EPB41L4A: variants seen among roughly 807,000 people sequenced by gnomAD.
The protein encoded by EPB41L4A is erythrocyte membrane protein band 4.1 like 4A.
Under a neutral mutation model 108.6 loss-of-function variants are expected in EPB41L4A, and 100 were observed. That is an observed-to-expected ratio of 0.92 (90% CI 0.78 to 1.09). The LOEUF (loss-of-function observed/expected upper bound fraction) is 1.09, where lower values mean the gene tolerates loss of function less well. EPB41L4A is among the 50% of genes least tolerant of loss of function. The pLI is 0.00. For missense variants in EPB41L4A, 1,030 were observed against 842.7 expected, an observed-to-expected ratio of 1.22 and a Z score of -2.75; for synonymous variants, 319 against 289.0, an observed-to-expected ratio of 1.10 and a Z score of -1.05.
At position 112,302,188 on chromosome 5, in the gene EPB41L4A, T is replaced by C. The variant is rs76940191; in HGVS notation, c.204+5198A>G. Among the ~76,000 whole-genome samples the C allele has an allele frequency of 7.7e-3, 1,166 of 152,166 alleles. 18 individuals are homozygous for C. Among genetic ancestry groups the C allele is most frequent in the African/African-American group, 0.027 (1,105 of 41,526 alleles). ...AAAATTTCAATTCTCAACCTAAAAT[T>C]ACACACGAGTACATGGTTTTTTAAA... On this transcript the variant is annotated intron_variant, in intron 2 of 22. Coordinates refer to ENST00000261486, the MANE Select transcript of EPB41L4A (RefSeq NM_022140.5).
intron 1 of EPB41L4A, among the ~76,000 whole-genome samples, chr5:112,398,544 A>T (rs1481807311): frequency 6.6e-6 from 1 of 151,986 alleles, no homozygotes; most frequent in African/African-American, 2.4e-5. Context: ...ATGCACCACC[A>T]CACCCGCTAA....
At chr5:112,146,835 A>G (rs1759278217) in intron 12 of EPB41L4A, among the ~76,000 whole-genome samples, 1 of 152,212 alleles carries the variant, frequency 6.6e-6, no homozygotes, top group Non-Finnish European at 1.5e-5. Context: ...TTACCACTCA[A>G]AGATGTTTCA....
chr5:112,146,895 T>C (rs1203882914), intron 12 of EPB41L4A, among the ~76,000 whole-genome samples: 1 of 152,248 alleles, frequency 6.6e-6, no homozygotes, highest in Non-Finnish European at 1.5e-5. Context: ...AGGTCTTTTC[T>C]ATTAATTAGA....
chr5:112,362,833 T>C (rs1039915325), intron 1 of EPB41L4A, among the ~76,000 whole-genome samples: 5 of 152,218 alleles, frequency 3.3e-5, no homozygotes, highest in African/African-American at 7.2e-5. Context: ...AGTCTGACGA[T>C]TCATCTCAAA....
intron 17 of EPB41L4A, among the ~76,000 whole-genome samples, chr5:112,189,900 C>G (rs1761609287): frequency 6.6e-6 from 1 of 152,158 alleles, no homozygotes; most frequent in Non-Finnish European, 1.5e-5. Flanking sequence ...AAGCTTAAGA[C>G]ATATCCAGGT....
intron 17 of EPB41L4A, 29 bp downstream of exon 17, chr5:112,194,539 G>T (rs754516925): frequency 5.3e-6 from 7 of 1,317,734 alleles, no homozygotes; most frequent in Non-Finnish European, 7.5e-6. Flanking sequence ...ATTTCAGAGT[G>T]CCAGTTAATT....
intron 2 of EPB41L4A, among the ~76,000 whole-genome samples, chr5:112,293,392 G>A (rs1305687563): frequency 8.4e-6 from 1 of 119,282 alleles, no homozygotes. Context: ...TTTAGTTTTG[G>A]TGAAGAAGGC....
chr5:112,388,620 G>A (rs769552881), intron 1 of EPB41L4A, among the ~76,000 whole-genome samples: 15 of 152,102 alleles, frequency 9.9e-5, no homozygotes, highest in South Asian at 2.1e-4. Flanking sequence ...CCTCAAATGC[G>A]AAGGCTGCCT....
At chr5:112,195,375 CTAGA>C (rs887486346) in intron 16 of EPB41L4A, among the ~76,000 whole-genome samples, 1 of 151,606 alleles carries the variant, frequency 6.6e-6, no homozygotes, top group Non-Finnish European at 1.5e-5. Context: ...CAGAATTATA[CTAGA>C]TAAATAGAGT....
At chr5:112,326,143 C>T (rs956606772) in intron 1 of EPB41L4A, among the ~76,000 whole-genome samples, 2 of 152,076 alleles carry the variant, frequency 1.3e-5, no homozygotes, top group African/African-American at 2.4e-5. Flanking sequence ...CAGTGAGACT[C>T]CATCTCTTAA....
At chr5:112,302,881 C>T (rs1754457326) in intron 2 of EPB41L4A, among the ~76,000 whole-genome samples, 1 of 152,174 alleles carries the variant, frequency 6.6e-6, no homozygotes, top group Non-Finnish European at 1.5e-5. Flanking sequence ...GGCTTCCAGG[C>T]CGTGGACTCT....
At chr5:112,328,982 C>T (rs1756374016) in intron 1 of EPB41L4A, among the ~76,000 whole-genome samples, 1 of 152,152 alleles carries the variant, frequency 6.6e-6, no homozygotes, top group African/African-American at 2.4e-5. Context: ...GAAATAGTGG[C>T]AAATGCACAG....
At chr5:112,182,921 T>G (rs1761230378) in intron 18 of EPB41L4A, among the ~76,000 whole-genome samples, 1 of 152,170 alleles carries the variant, frequency 6.6e-6, no homozygotes, top group African/African-American at 2.4e-5. Flanking sequence ...AATACATCTG[T>G]AAGGGTGTAC....
intron 9 of EPB41L4A, among the ~76,000 whole-genome samples, chr5:112,243,295 T>C (rs1017254322): frequency 7.1e-6 from 1 of 140,798 alleles, no homozygotes; most frequent in South Asian, 2.1e-4. Flanking sequence ...ATATATATTT[T>C]GTTTGTTTGT....
chr5:112,254,971 A>C (rs1007204972), intron 9 of EPB41L4A, among the ~76,000 whole-genome samples: 5 of 152,070 alleles, frequency 3.3e-5, no homozygotes, highest in African/African-American at 1.2e-4. Flanking sequence ...GTAGCCCTCG[A>C]GGGATGGCTG....
chr5:112,416,658 GT>G (rs1353047799), intron 1 of EPB41L4A, among the ~76,000 whole-genome samples: 1 of 152,122 alleles, frequency 6.6e-6, no homozygotes, highest in East Asian at 1.9e-4. Context: ...TGAAGTAACT[GT>G]TTACTTTTTC....
chr5:112,168,987 C>T lies in EPB41L4A; in HGVS notation c.1850+8G>A. 6.2e-7 allele frequency: 1 copy of T among 1,601,856 alleles called. No individual in the cohort carries two copies. The highest frequency in any genetic ancestry group is 8.6e-7 in the Non-Finnish European group (1 of 1,168,846). Reference sequence around the variant, plus strand: ...ATGGTGATGGTGTACTCTGGCCTGCCCACTTACTTCACTTCCGAGAGAACT... The same window carrying T: ...ATGGTGATGGTGTACTCTGGCCTGCTCACTTACTTCACTTCCGAGAGAACT... On this transcript the variant is annotated splice_region_variant and intron_variant, in intron 21 of 22. Transcript: ENST00000261486.
At chr5:112,357,867 T>C (rs1288069397) in intron 1 of EPB41L4A, among the ~76,000 whole-genome samples, 4 of 152,186 alleles carry the variant, frequency 2.6e-5, no homozygotes, top group Non-Finnish European at 5.9e-5. Context: ...TTTTTGTCCC[T>C]TGTAAATGTA....
rs1027205507 is a variant in EPB41L4A, at chr5:112,307,406, A to G, written c.184T>C (p.Cys62Arg). ...VEIDYFGLRY[C>R]DRSHQTYWLD... ...CTCACCGTCTGATGGCTTCTGTCAC[A>G]GTAACGTAGCCCAAAATAATCTATC... Residue 62 changes from cysteine (C) to arginine (R), a missense_variant, in exon 2 of 23, where the codon TGT becomes CGT. Coordinates refer to ENST00000261486, the MANE Select transcript of EPB41L4A (RefSeq NM_022140.5). 2.5e-6 allele frequency: 4 copies of G among 1,611,972 alleles called. No individual in the cohort carries two copies. In the African/African-American group the frequency reaches 5.3e-5, roughly 22 times the overall value.
Sources: gnomAD v4.1 joint callset for allele counts (sites outside exome capture counted in the v4.1 genomes callset) on GRCh38, gnomAD v4.1.1 for gene constraint, MANE v1.5 for transcripts, NCBI Gene and HGNC (gene_info 2026-07-23, HGNC 2026-07-21) for gene names.